Variants in PDE4B observed in about 807,000 individuals in gnomAD.
The protein encoded by PDE4B is 3',5'-cyclic-AMP phosphodiesterase 4B.
In PDE4B, 20 loss-of-function variants were observed where a neutral mutation model predicts 82.2. The ratio of observed to expected loss-of-function variants is 0.24; its 90% CI spans 0.17 to 0.35. The LOEUF is 0.35. Among genes scored for constraint, PDE4B ranks in the 10% least tolerant of loss-of-function variants. PDE4B has a pLI of 1.00. For synonymous variants in PDE4B, 320 were observed against 318.9 expected (o/e 1.00, Z -0.04); for missense variants, 655 against 907.2 (o/e 0.72, Z 3.57).
chr1:66,142,897 C>G (rs530546294), intron 3 of PDE4B, among the ~76,000 whole-genome samples: 1 of 152,274 alleles, frequency 6.6e-6, no homozygotes, highest in South Asian at 2.1e-4. Context: ...GAAAAGGTCT[C>G]CACAGAAGAT....
chr1:66,242,629 A>C, intron 3 of PDE4B, among the ~76,000 whole-genome samples: 1 of 152,214 alleles, frequency 6.6e-6, no homozygotes, highest in Non-Finnish European at 1.5e-5. Context: ...CCCTGGGGAC[A>C]ATTGCAGGCA....
At chr1:65,909,382 T>C (rs975353398) in intron 1 of PDE4B, among the ~76,000 whole-genome samples, 1 of 152,194 alleles carries the variant, frequency 6.6e-6, no homozygotes, top group Admixed American at 6.5e-5. Flanking sequence ...AAATTCCTTT[T>C]AGCCAGGTAT....
intron 1 of PDE4B, among the ~76,000 whole-genome samples, chr1:65,859,537 T>G (rs1646430548): frequency 6.6e-6 from 1 of 152,224 alleles, no homozygotes; most frequent in African/African-American, 2.4e-5. Flanking sequence ...AATGATATTT[T>G]AAAATTTGGT....
chr1:66,344,467 T>C (rs889048659), intron 8 of PDE4B, among the ~76,000 whole-genome samples: 4 of 152,220 alleles, frequency 2.6e-5, no homozygotes, highest in African/African-American at 9.6e-5. Flanking sequence ...TATTTATATT[T>C]TTTCTTTTAC....
intron 3 of PDE4B, among the ~76,000 whole-genome samples, chr1:66,227,732 A>G (rs1227517297): frequency 1.3e-5 from 2 of 151,982 alleles, no homozygotes; most frequent in Non-Finnish European, 2.9e-5. Context: ...TAGCATTTCT[A>G]AGAAGCTGAA....
At chr1:66,139,687 A>G (rs972893276) in intron 3 of PDE4B, among the ~76,000 whole-genome samples, 5 of 150,470 alleles carry the variant, frequency 3.3e-5, no homozygotes, top group Admixed American at 6.7e-5. Context: ...CCTAGAAACA[A>G]GGGAGCATTA....
intron 3 of PDE4B, among the ~76,000 whole-genome samples, chr1:66,003,587 C>G (rs1299163626): frequency 6.6e-6 from 1 of 152,188 alleles, no homozygotes; most frequent in East Asian, 1.9e-4. Flanking sequence ...ACGTCTCCTT[C>G]CATCCTTTCT....
chr1:65,826,840 A>T (rs1425971542), intron 1 of PDE4B, among the ~76,000 whole-genome samples: 3 of 152,162 alleles, frequency 2.0e-5, no homozygotes, highest in Non-Finnish European at 4.4e-5. Flanking sequence ...ATTAAGAATG[A>T]AGCTGAATCA....
chr1:65,960,634 A>T (rs936589061), intron 3 of PDE4B, among the ~76,000 whole-genome samples: 1 of 152,090 alleles, frequency 6.6e-6, no homozygotes, highest in African/African-American at 2.4e-5. Context: ...AATATATATA[A>T]AAATATATTT....
intron 3 of PDE4B, among the ~76,000 whole-genome samples, chr1:66,227,081 T>C (rs7528545): frequency 0.61 from 93,409 of 152,106 alleles, 29,306 homozygotes; most frequent in Non-Finnish European, 0.68. Context: ...AAGAGTGTCA[T>C]TGATTGAGAA....
At chr1:65,983,602 A>C (rs1338234510) in intron 3 of PDE4B, among the ~76,000 whole-genome samples, 1 of 152,168 alleles carries the variant, frequency 6.6e-6, no homozygotes, top group African/African-American at 2.4e-5. Flanking sequence ...ATAAAGGGAA[A>C]GCCATGTGAA....
At chr1:66,228,506 C>T (rs374786932) in intron 3 of PDE4B, among the ~76,000 whole-genome samples, 1 of 151,980 alleles carries the variant, frequency 6.6e-6, no homozygotes, top group East Asian at 1.9e-4. Flanking sequence ...CGCCTGTAGT[C>T]CCAGCTATTC....
rs1347306765 is a variant in PDE4B at position 65,913,274 on chromosome 1, A to T, written c.-41A>T. ...TAAAAAGTGTCAGCAAACTGCATTG[A>T]ATAACAGACATCCTAAGAGGGGATA... is the stretch of plus-strand genomic sequence containing the variant. On this transcript the variant is annotated 5_prime_UTR_variant, in exon 2 of 17. An upstream open reading frame in the 5' UTR loses its in-frame stop. Coordinates refer to ENST00000341517, the MANE Select transcript of PDE4B (RefSeq NM_002600.4). 1 of 1,590,706 alleles carries T rather than the reference A, an allele frequency of 6.3e-7. No homozygotes were observed. Among genetic ancestry groups the T allele is most frequent in the East Asian group, 2.2e-5 (1 of 44,768 alleles).
chr1:65,852,823 G>T (rs1272504926), intron 1 of PDE4B, among the ~76,000 whole-genome samples: 1 of 151,574 alleles, frequency 6.6e-6, no homozygotes, highest in East Asian at 1.9e-4. Context: ...ATATCTCTTG[G>T]TACACTTTTC....
chr1:65,804,422 A>C (rs1645730717), intron 1 of PDE4B, among the ~76,000 whole-genome samples: 1 of 152,174 alleles, frequency 6.6e-6, no homozygotes. Flanking sequence ...ACATTATTTT[A>C]TCTCTTTTTG....
chr1:66,173,256 C>A (rs1298786046), intron 3 of PDE4B, among the ~76,000 whole-genome samples: 1 of 152,140 alleles, frequency 6.6e-6, no homozygotes, highest in Non-Finnish European at 1.5e-5. Flanking sequence ...TTGCTTGTGA[C>A]AACGCTGAAA....
chr1:66,249,805 A>G (rs1206005072), intron 4 of PDE4B, among the ~76,000 whole-genome samples: 1 of 152,166 alleles, frequency 6.6e-6, no homozygotes, highest in Admixed American at 6.5e-5. Context: ...AAAAAGTAGT[A>G]TGGGCACAAT....
At chr1:65,970,054 C>T (rs1223662000) in intron 3 of PDE4B, among the ~76,000 whole-genome samples, 1 of 151,820 alleles carries the variant, frequency 6.6e-6, no homozygotes, top group Non-Finnish European at 1.5e-5. Flanking sequence ...TAATATACAT[C>T]TTAAAGTATT....
At chr1:65,882,866 A>G (rs1245543399) in intron 1 of PDE4B, among the ~76,000 whole-genome samples, 1 of 152,234 alleles carries the variant, frequency 6.6e-6, no homozygotes, top group African/African-American at 2.4e-5. Flanking sequence ...GAATTTTAGT[A>G]GGAGATGTTG....
Sources: gnomAD v4.1 joint callset for allele counts (sites outside exome capture counted in the v4.1 genomes callset) on GRCh38, gnomAD v4.1.1 for gene constraint, MANE v1.5 for transcripts, NCBI Gene and HGNC (gene_info 2026-07-23, HGNC 2026-07-21) for gene names.